GSK3A: variants seen among roughly 807,000 people sequenced by gnomAD.
GSK3A encodes glycogen synthase kinase-3 alpha.
A neutral mutation model predicts 56.6 loss-of-function variants in GSK3A; 14 were observed. That is an observed-to-expected ratio of 0.25 (90% CI 0.16 to 0.39). The LOEUF (loss-of-function observed/expected upper bound fraction) is 0.39, where lower values mean the gene tolerates loss of function less well. Among genes scored for constraint, GSK3A ranks in the 10% least tolerant of loss-of-function variants. The pLI, the probability that GSK3A is intolerant of heterozygous loss-of-function variation, is 1.00. For synonymous variants in GSK3A, 301 were observed against 285.0 expected (o/e 1.06, Z -0.56); for missense variants, 450 against 656.0 (o/e 0.69, Z 3.43).
chr19:42,234,642 T>C lies in GSK3A; in HGVS notation c.703A>G (p.Ile235Val). 1 of 1,612,378 alleles carries C rather than the reference T, an allele frequency of 6.2e-7. No individual in the cohort carries two copies. The highest frequency in any genetic ancestry group is 8.5e-7 in the Non-Finnish European group (1 of 1,179,316). The change falls in exon 5 of 11, where the codon ATC becomes GTC. Residue 235 changes from isoleucine (I) to valine (V), a missense_variant. By Grantham distance (29) the Ile-to-Val change is conservative (BLOSUM62 3). Around this residue, in one of 3 missense-constraint regions of GSK3A, gnomAD observed 144 missense variants for 308.0 expected, o/e 0.47. Coordinates refer to ENST00000222330, the MANE Select transcript of GSK3A (RefSeq NM_019884.3). This position sits in a 1 kb window ranked among gnomAD's most constrained non-coding sequence, Gnocchi z 5.7. Reference protein sequence around the residue: ...MYQLFRSLAYIHSQGVCHRDI... With the variant: ...MYQLFRSLAYVHSQGVCHRDI... ...CGGTGACACACGCCCTGGGAGTGGA[T>C]GTAGGCCAAGCTGCGGAAGAGCTGG...
At position 42,232,326 on chromosome 19, in the gene GSK3A, C is replaced by A. The variant is rs1321835354; in HGVS notation, c.1285+170G>T. On this transcript the variant is annotated intron_variant, in intron 9 of 10. Coordinates refer to ENST00000222330, the MANE Select transcript of GSK3A (RefSeq NM_019884.3). ...CAAGGCAGATCACAGTAAAGCACAA[C>A]TGAAGCAGGTTCGATTCCCCCTGAA... Among the ~76,000 whole-genome samples, 4 of 152,196 alleles carry A rather than the reference C, an allele frequency of 2.6e-5. No individual in the cohort carries two copies. The East Asian group carries it at 7.7e-4, about 29-fold the overall frequency.
At chr19:42,240,630 T>A (rs1354732063) in intron 1 of GSK3A, 1 of 175,254 alleles carries the variant, frequency 5.7e-6, no homozygotes, top group Non-Finnish European at 1.2e-5. Flanking sequence ...CTCTAAGTCC[T>A]CCCCTGTAGA....
chr19:42,232,566 T>C lies in GSK3A; in HGVS notation c.1215A>G (p.Glu405=), dbSNP rs534135510. The C allele has an allele frequency of 6.9e-5, 111 of 1,614,044 alleles. No individual in the cohort carries two copies. In the South Asian group the frequency reaches 8.2e-4, roughly 12 times the overall value. The change falls in exon 9 of 11, where the codon GAA becomes GAG. Residue 405 remains glutamate, a synonymous_variant. Coordinates refer to ENST00000222330, the MANE Select transcript of GSK3A (RefSeq NM_019884.3). ...LEACAHSFFD[E]LRCLGTQLPN... is the part of the protein sequence containing the mutation. Reference sequence around the variant, plus strand: ...GCAGCTGGGTTCCCAGACATCGCAGTTCATCAAAGAAGCTGTGCGCACAGG... The same window carrying C: ...GCAGCTGGGTTCCCAGACATCGCAGCTCATCAAAGAAGCTGTGCGCACAGG...
In GSK3A at chr19:42,234,280, G is replaced by C; in HGVS notation, c.904+73C>G. ...AAGTTAAGCTTTCATCACCAAGCTT[G>C]GCATACAGCACACAGAAAACTCCAA... On this transcript the variant is annotated intron_variant, in intron 6 of 10. Coordinates refer to ENST00000222330, the MANE Select transcript of GSK3A (RefSeq NM_019884.3). The surrounding 1 kb of genome is among the most constrained non-coding windows in gnomAD (Gnocchi z 5.7). The C allele has an allele frequency of 9.9e-7, 1 of 1,013,940 alleles. No individual in the cohort carries two copies. The highest frequency in any genetic ancestry group is 1.6e-6 in the Non-Finnish European group (1 of 634,118). The allele number at this position is 1,013,940 out of a possible 1,614,324, so 62.8% of individuals were successfully genotyped here.
At chr19:42,232,020 G>A in intron 10 of GSK3A, 37 bp downstream of exon 10, 2 of 1,213,790 alleles carry the variant, frequency 1.6e-6, no homozygotes, top group Non-Finnish European at 2.4e-6. Context: ...TCCAGGCTGA[G>A]AGATACTTTA....
chr19:42,239,927 C>T, intron 2 of GSK3A, 28 bp downstream of exon 2: 1 of 1,602,130 alleles, frequency 6.2e-7, no homozygotes, highest in Non-Finnish European at 8.6e-7. Context: ...GTCCCCAAAC[C>T]TCCCTGTCCC....
chr19:42,237,014 C>G lies in GSK3A; in HGVS notation c.472-73G>C, dbSNP rs558825701. ...GCTCCTCCCTACTCACACTCACTCC[C>G]AACAACAGCCAGGCAGCTACTCCCT... On this transcript the variant is annotated intron_variant, in intron 2 of 10. Coordinates refer to ENST00000222330, the MANE Select transcript of GSK3A (RefSeq NM_019884.3). The G allele has an allele frequency of 7.0e-5, 70 of 1,001,548 alleles. No individual in the cohort carries two copies. The South Asian group carries it at 8.4e-4, about 12-fold the overall frequency. The allele number at this position is 1,001,548 out of a possible 1,614,324, so 62.0% of individuals were successfully genotyped here. A position where few individuals can be genotyped will look rare whatever the true frequency, so the allele number is the denominator to read the frequency against.
In GSK3A at chr19:42,242,516, C is replaced by G; in HGVS notation, c.-51G>C. On this transcript the variant is annotated 5_prime_UTR_variant, in exon 1 of 11. Coordinates refer to ENST00000222330, the MANE Select transcript of GSK3A (RefSeq NM_019884.3). ...GGGGCTCGGGCTGCCCGGGCTGCCC[C>G]AGCCGCCGCCGCTGCCGCCGCCTCC... 2.9e-6 allele frequency: 3 copies of G among 1,033,006 alleles called. No individual in the cohort carries two copies. Among genetic ancestry groups the G allele is most frequent in the Non-Finnish European group, 3.5e-6 (3 of 859,784 alleles). 64.0% of individuals were successfully genotyped at this position (1,033,006 alleles called of 1,614,324 possible). A position where few individuals can be genotyped will look rare whatever the true frequency, so the allele number is the denominator to read the frequency against.
Position 42,234,050 on chromosome 19 carries a change from TC to T in GSK3A, c.904+302del, listed in dbSNP as rs1163010775. On this transcript the variant is annotated intron_variant, in intron 6 of 10. Transcript: ENST00000222330. The surrounding 1 kb of genome is among the most constrained non-coding windows in gnomAD (Gnocchi z 5.7). ...TTCCCCCAAGGTCTCCAGCAGCCCT[TC>T]CCCCTAGCTGAGAACAGAGGGCTGA... 6.6e-6 allele frequency among the ~76,000 whole-genome samples: 1 copy of T among 151,922 alleles called. No individual in the cohort carries two copies. Among genetic ancestry groups the T allele is most frequent in the Non-Finnish European group, 1.5e-5 (1 of 67,996 alleles).
Position 42,230,811 on chromosome 19 carries a change from G to A in GSK3A, c.1435C>T (p.Leu479Phe). 1 of 1,561,768 alleles carries A rather than the reference G, an allele frequency of 6.4e-7. No individual in the cohort carries two copies. The highest frequency in any genetic ancestry group is 8.7e-7 in the Non-Finnish European group (1 of 1,152,612). The change falls in exon 11 of 11, where the codon CTC becomes TTC. Residue 479 changes from leucine to phenylalanine, a missense_variant. Around this residue, in one of 3 missense-constraint regions of GSK3A, gnomAD observed 113 missense variants for 147.5 expected, o/e 0.77. Transcript: ENST00000222330. ...TGGGGCCCTCAGGAGGAGTTAGTGA[G>A]GGTAGGTGTGGCATCGGTCGACTGC... Reference protein sequence around the residue: ...DWQSTDATPTLTNSS With the variant: ...DWQSTDATPTFTNSS
At position 42,234,022 on chromosome 19, in the gene GSK3A, C is replaced by T. The variant is rs898158239; in HGVS notation, c.904+331G>A. On this transcript the variant is annotated intron_variant, in intron 6 of 10. Transcript: ENST00000222330. The surrounding 1 kb of genome is among the most constrained non-coding windows in gnomAD (Gnocchi z 5.7). ...TTCATGGTGGCAAAGCCTTGCTTCC[C>T]GGTTCCCCCAAGGTCTCCAGCAGCC... 1.2e-4 allele frequency among the ~76,000 whole-genome samples: 18 copies of T among 152,058 alleles called. No individual in the cohort carries two copies. The highest frequency in any genetic ancestry group is 2.7e-4 in the African/African-American group (11 of 41,386).
Position 42,234,728 on chromosome 19 carries a change from G to A in GSK3A, c.667-50C>T. The A allele has an allele frequency of 6.7e-7, 1 of 1,491,146 alleles. No individual in the cohort carries two copies. The allele number at this position is 1,491,146 out of a possible 1,614,324, so 92.4% of individuals were successfully genotyped here. A position where few individuals can be genotyped will look rare whatever the true frequency, so the allele number is the denominator to read the frequency against. On this transcript the variant is annotated intron_variant, in intron 4 of 10. Coordinates refer to ENST00000222330, the MANE Select transcript of GSK3A (RefSeq NM_019884.3). This position sits in a 1 kb window ranked among gnomAD's most constrained non-coding sequence, Gnocchi z 5.7. Reference sequence around the variant, plus strand: ...ACTTTAGCCCAGCTTTCCCCATACAGCACCACTACCCCACCAGCTTGGCCT... The same window carrying A: ...ACTTTAGCCCAGCTTTCCCCATACAACACCACTACCCCACCAGCTTGGCCT...
At position 42,236,763 on chromosome 19, in the gene GSK3A, G is replaced by A. The variant is rs1427023070; in HGVS notation, c.556-47C>T. The A allele has an allele frequency of 4.6e-6, 7 of 1,524,892 alleles. No homozygotes were observed. In the East Asian group the frequency reaches 1.4e-4, roughly 29 times the overall value. 94.5% of individuals were successfully genotyped at this position (1,524,892 alleles called of 1,614,324 possible). A position where few individuals can be genotyped will look rare whatever the true frequency, so the allele number is the denominator to read the frequency against. On this transcript the variant is annotated intron_variant, in intron 3 of 10. Coordinates refer to ENST00000222330, the MANE Select transcript of GSK3A (RefSeq NM_019884.3). The stretch of plus-strand genomic sequence containing the variant: ...TGTGAGGCACTGTGAGAAGAGTGAG[G>A]AGGGGGAAGGAAGGTATGCAGGGAG...
chr19:42,231,916 C>T (rs1293417993), intron 10 of GSK3A, 141 bp downstream of exon 10: 2 of 576,606 alleles, frequency 3.5e-6, no homozygotes, highest in Middle Eastern at 4.6e-4. Context: ...TGGTCATTCA[C>T]ATGTTGTAAG....
At position 42,242,357 on chromosome 19, in the gene GSK3A, C is replaced by CA. The variant is rs2036298903; in HGVS notation, c.108_109insT (p.Gly37TrpfsTer49). The CA allele has an allele frequency of 7.1e-7, 1 of 1,407,102 alleles. No homozygotes were observed. Among genetic ancestry groups the CA allele is most frequent in the Non-Finnish European group, 9.2e-7 (1 of 1,083,546 alleles). The allele number at this position is 1,407,102 out of a possible 1,614,324, so 87.2% of individuals were successfully genotyped here. ...CCGCCTGGGCCGGAGGCCGAGCCTC[C>CA]GGGGCCGCCGCCGCCTCCTCCGCCT... On this transcript the variant is annotated frameshift_variant, in exon 1 of 11. Transcript: ENST00000222330. LOFTEE classifies it high-confidence loss of function.
rs765917283 is a variant in GSK3A at position 42,242,203 on chromosome 19, G to A, written c.263C>T (p.Pro88Leu). ...GGPGAGTSFP[P>L]PGVKLGRDSG... The stretch of plus-strand genomic sequence containing the variant: ...CTCACGGCCCAGCTTCACCCCGGGC[G>A]GCGGGAAGCTAGTGCCTGCGCCGGG... The change falls in exon 1 of 11, where the codon CCG (proline) becomes CTG (leucine). Residue 88 changes from proline (P) to leucine (L), a missense_variant. Pro to Leu is a moderately conservative substitution (Grantham distance 98, BLOSUM62 -3). Coordinates refer to ENST00000222330, the MANE Select transcript of GSK3A (RefSeq NM_019884.3). 7.7e-6 allele frequency: 11 copies of A among 1,436,506 alleles called. No homozygotes were observed. In the East Asian group the frequency reaches 2.7e-4, roughly 35 times the overall value. The allele number at this position is 1,436,506 out of a possible 1,614,324, so 89.0% of individuals were successfully genotyped here.
At chr19:42,235,645 C>CA in intron 4 of GSK3A, among the ~76,000 whole-genome samples, 1 of 152,164 alleles carries the variant, frequency 6.6e-6, no homozygotes, top group Non-Finnish European at 1.5e-5. Context: ...TTCTCACCCA[C>CA]AAACCAGGCT....
chr19:42,232,188 C>T (rs377547950), intron 9 of GSK3A, 39 bp from the exon 10 acceptor site: 10 of 1,309,664 alleles, frequency 7.6e-6, no homozygotes, highest in East Asian at 2.3e-5. Flanking sequence ...GGGTAGACTA[C>T]AGCAGGGTTA....
Position 42,239,750 on chromosome 19 carries a change from C to T in GSK3A, c.471+205G>A, listed in dbSNP as rs368597519. 3.3e-5 allele frequency among the ~76,000 whole-genome samples: 5 copies of T among 152,292 alleles called. No homozygotes were observed. In the East Asian group the frequency reaches 9.6e-4, roughly 29 times the overall value. On this transcript the variant is annotated intron_variant, in intron 2 of 10. Transcript: ENST00000222330. ...ATTAAACAAGAATTTGCTTATTAAG[C>T]ACTTACATTGAGCAAATGCCCAGTA...
Sources: gnomAD v4.1 joint callset for allele counts (sites outside exome capture counted in the v4.1 genomes callset) on GRCh38, gnomAD v4.1.1 for gene constraint, gnomAD v4.1.1 regional missense constraint, Gnocchi (gnomAD v3.1) non-coding constraint, MANE v1.5 for transcripts, NCBI Gene and HGNC (gene_info 2026-07-23, HGNC 2026-07-21) for gene names.